Variants in SYT3 observed in about 807,000 individuals in gnomAD.
SYT3 encodes synaptotagmin 3, also known as synaptotagmin-3.
A neutral mutation model predicts 50.6 loss-of-function variants in SYT3; 25 were observed. The observed-to-expected ratio is 0.49, with a 90% CI of 0.36 to 0.69. SYT3 has a LOEUF of 0.69. Among genes scored for constraint, SYT3 ranks in the 30% least tolerant of loss-of-function variants. The pLI is 0.00. For synonymous variants in SYT3, 323 were observed against 353.9 expected (o/e 0.91, Z 0.98); for missense variants, 589 against 793.6 (o/e 0.74, Z 3.10).
intron 10 of SYT3, 41 bp downstream of exon 10, chr19:50,622,645 CA>C (rs1312020555): frequency 8.5e-7 from 1 of 1,173,496 alleles, no homozygotes; most frequent in East Asian, 2.3e-5. Context: ...CAGACGCAGG[CA>C]TCTCCACCCC....
the SYT3 span, chr19:50,649,332 G>C: frequency 3.0e-6 from 3 of 1,007,726 alleles, no homozygotes; most frequent in Non-Finnish European, 4.5e-6. Flanking sequence ...CTACCCCGGG[G>C]CTTCAAAGAG....
intron 2 of SYT3, 113 bp downstream of exon 2, chr19:50,638,912 T>C (rs1984579920): frequency 6.6e-6 from 1 of 151,340 alleles, no homozygotes; most frequent in African/African-American, 2.4e-5. Flanking sequence ...TCAAGATGGG[T>C]TGAAGGGGAT....
chr19:50,658,091 A>C, the SYT3 span: 1 of 1,535,680 alleles, frequency 6.5e-7, no homozygotes, highest in Non-Finnish European at 8.7e-7. Flanking sequence ...CTTTGAGAAC[A>C]TGAACGTCAT....
In SYT3 at chr19:50,639,851, C is replaced by G. The variant is rs547631618; in HGVS notation, c.-215G>C. The G allele has an allele frequency of 6.3e-6, 1 of 157,988 alleles. No individual in the cohort carries two copies. The highest frequency in any genetic ancestry group is 1.7e-4 in the South Asian group (1 of 5,764). The allele number at this position is 157,988 out of a possible 1,614,324, so 9.8% of individuals were successfully genotyped here. ...CCGCCGCAGCCCCGCGCGCCAGCCGCGGTGCCGGCTCGGCTCCTCCCCTCG... is the reference window on the plus strand; with the variant it reads ...CCGCCGCAGCCCCGCGCGCCAGCCGGGGTGCCGGCTCGGCTCCTCCCCTCG... On this transcript the variant is annotated 5_prime_UTR_variant, in exon 1 of 11. Coordinates refer to ENST00000600079, the MANE Select transcript of SYT3 (RefSeq NM_001160329.2). The surrounding 1 kb of genome is among the most constrained non-coding windows in gnomAD (Gnocchi z 4.6).
At position 50,637,001 on chromosome 19, in the gene SYT3, G is replaced by T. The variant is rs888898014; in HGVS notation, c.148+263C>A. Among the ~76,000 whole-genome samples, 17 of 152,188 alleles carry T rather than the reference G, an allele frequency of 1.1e-4. No homozygotes were observed. Among genetic ancestry groups the T allele is most frequent in the African/African-American group, 4.1e-4 (17 of 41,450 alleles). ...AGTCTGACTCAAGAGCCTGACATTT[G>T]CACAAGATGCAGAGAGATATCTGAA... On this transcript the variant is annotated intron_variant, in intron 3 of 10. Transcript: ENST00000600079. This position sits in a 1 kb window ranked among gnomAD's most constrained non-coding sequence, Gnocchi z 4.9.
In SYT3 at chr19:50,629,393, C is replaced by G; in HGVS notation, c.1182G>C (p.Arg394=). 2 of 1,613,834 alleles carry G rather than the reference C, an allele frequency of 1.2e-6. No individual in the cohort carries two copies. Among genetic ancestry groups the G allele is most frequent in the Admixed American group, 1.7e-5 (1 of 59,988 alleles). ...GCACCACCTGGCCGATGAGGTCGTG[C>G]CGCGAGAAGCGGTCAAAGTCATAGA... ...FSVYDFDRFS[R]HDLIGQVVLD... is the part of the protein sequence containing the mutation. Residue 394 remains arginine (R), a synonymous_variant, in exon 6 of 11, where the codon CGG becomes CGC. Transcript: ENST00000600079.
the SYT3 span, among the ~76,000 whole-genome samples, chr19:50,651,172 G>A: frequency 2.0e-5 from 3 of 152,090 alleles, no homozygotes; most frequent in Non-Finnish European, 2.9e-5. Flanking sequence ...CGTGAAACAC[G>A]CCATCTCACA....
chr19:50,655,000 C>G, the SYT3 span, among the ~76,000 whole-genome samples: 15 of 152,146 alleles, frequency 9.9e-5, no homozygotes, highest in Non-Finnish European at 2.1e-4. Flanking sequence ...TATTGCTAAT[C>G]CACATTCCAG....
At chr19:50,651,037 T>C in the SYT3 span, among the ~76,000 whole-genome samples, 3 of 152,200 alleles carry the variant, frequency 2.0e-5, no homozygotes, top group Non-Finnish European at 4.4e-5. Flanking sequence ...ACCAATCACA[T>C]TTTTTAGTTG....
Position 50,639,553 on chromosome 19 carries a change from TC to T in SYT3, c.-154+236del, listed in dbSNP as rs1251659344. On this transcript the variant is annotated intron_variant, in intron 1 of 10. Transcript: ENST00000600079. The surrounding 1 kb of genome is among the most constrained non-coding windows in gnomAD (Gnocchi z 4.6). ...TAGGGGCCACGGAATGAGGAAACGA[TC>T]CCCCCGCGCTGGGGATCGGTGGGCG... Among the ~76,000 whole-genome samples, 1 of 150,996 alleles carries T rather than the reference TC, an allele frequency of 6.6e-6. No individual in the cohort carries two copies. Among genetic ancestry groups the T allele is most frequent in the East Asian group, 2.0e-4 (1 of 5,110 alleles).
chr19:50,649,466 G>C, the SYT3 span: 103 of 1,536,074 alleles, frequency 6.7e-5, no homozygotes, highest in Non-Finnish European at 6.4e-5. Flanking sequence ...GGTGGAGCCC[G>C]TGTGCTTCCC....
intron 3 of SYT3, among the ~76,000 whole-genome samples, chr19:50,635,560 A>T (rs1984469977): frequency 6.6e-6 from 1 of 152,118 alleles, no homozygotes; most frequent in South Asian, 2.1e-4. Context: ...AAGCCCATGG[A>T]ATGTCCTGCC....
upstream of SYT3, among the ~76,000 whole-genome samples, chr19:50,643,701 G>A (rs1984715679): frequency 6.7e-6 from 1 of 149,030 alleles, no homozygotes; most frequent in African/African-American, 2.5e-5. Flanking sequence ...CCTAATGTGT[G>A]CCAGGCATTT....
chr19:50,629,144 A>C, intron 6 of SYT3, 150 bp downstream of exon 6: 1 of 672,582 alleles, frequency 1.5e-6, no homozygotes, highest in Non-Finnish European at 2.4e-6. Context: ...CTTGCCTGTA[A>C]GTTTGCAGTC....
At chr19:50,653,225 G>T in the SYT3 span, among the ~76,000 whole-genome samples, 1 of 152,002 alleles carries the variant, frequency 6.6e-6, no homozygotes, top group Non-Finnish European at 1.5e-5. Context: ...TTTTAGTAGA[G>T]ATGGGATCTC....
Position 50,637,543 on chromosome 19 carries a change from G to T in SYT3, c.-15-117C>A. The T allele has an allele frequency of 1.1e-6, 1 of 871,570 alleles. No homozygotes were observed. The highest frequency in any genetic ancestry group is 1.7e-6 in the Non-Finnish European group (1 of 579,458). The allele number at this position is 871,570 out of a possible 1,614,324, so 54.0% of individuals were successfully genotyped here. Reference sequence around the variant, plus strand: ...ACCGAGAAAAGGAAGGATGGGCAAAGGGGACAGAGATTAGGGGCAGATGGA... The same window carrying T: ...ACCGAGAAAAGGAAGGATGGGCAAATGGGACAGAGATTAGGGGCAGATGGA... On this transcript the variant is annotated intron_variant, in intron 2 of 10. Transcript: ENST00000600079. The surrounding 1 kb of genome is among the most constrained non-coding windows in gnomAD (Gnocchi z 4.9).
At chr19:50,649,590 G>C in the SYT3 span, 1 of 1,449,456 alleles carries the variant, frequency 6.9e-7, no homozygotes, top group Middle Eastern at 1.7e-4. Context: ...TCACAGTGTG[G>C]CCTTAAGCGA....
At chr19:50,651,554 G>T in the SYT3 span, among the ~76,000 whole-genome samples, 1 of 152,090 alleles carries the variant, frequency 6.6e-6, no homozygotes, top group South Asian at 2.1e-4. Context: ...GGCACACAGG[G>T]GCCCTCTGAG....
chr19:50,625,418 T>C lies in SYT3; in HGVS notation c.1549A>G (p.Ser517Gly). The change falls in exon 8 of 11, where the codon AGC becomes GGC. Residue 517 changes from serine to glycine, a missense_variant. Physicochemically the swap from Ser to Gly is moderately conservative, Grantham distance 56. Coordinates refer to ENST00000600079, the MANE Select transcript of SYT3 (RefSeq NM_001160329.2). The surrounding 1 kb of genome is among the most constrained non-coding windows in gnomAD (Gnocchi z 7.5). ...CAGTCGTAGTCTACCACGGCGATGC[T>C]GAGCCCCACGTTCTCCACGCTCTCG... Reference protein sequence around the residue: ...APESVENVGLSIAVVDYDCIG... With the variant: ...APESVENVGLGIAVVDYDCIG... 5.8e-6 allele frequency: 9 copies of C among 1,558,194 alleles called. No individual in the cohort carries two copies. The highest frequency in any genetic ancestry group is 7.8e-6 in the Non-Finnish European group (9 of 1,151,272).
Sources: allele counts gnomAD v4.1 joint callset (sites outside exome capture counted in the v4.1 genomes callset), GRCh38; gene constraint gnomAD v4.1.1; non-coding constraint Gnocchi (gnomAD v3.1); transcripts MANE v1.5; gene names NCBI Gene and HGNC (gene_info 2026-07-23, HGNC 2026-07-21).